Variants in CHODL observed in about 807,000 individuals in gnomAD.
CHODL encodes the protein chondrolectin, also known as transmembrane protein MT75.
Under a neutral mutation model 34.5 loss-of-function variants are expected in CHODL, and 29 were observed. The ratio of observed to expected loss-of-function variants is 0.84; its 90% CI spans 0.63 to 1.15. The LOEUF (loss-of-function observed/expected upper bound fraction) is 1.15, where lower values mean the gene tolerates loss of function less well. Ranked by LOEUF, CHODL falls within the 50% of genes most tolerant of loss-of-function variation. The pLI, the probability that CHODL is intolerant of heterozygous loss-of-function variation, is 0.00. For synonymous variants in CHODL, 125 were observed against 116.1 expected (o/e 1.08, Z -0.49); for missense variants, 332 against 332.5 (o/e 1.00, Z 0.01).
chr21:18,003,526 T>C (rs935861525), intron 1 of CHODL, among the ~76,000 whole-genome samples: 3 of 152,090 alleles, frequency 2.0e-5, no homozygotes, highest in African/African-American at 4.8e-5. Flanking sequence ...CACTGAATAA[T>C]GCGTGTTCAT....
In CHODL at chr21:18,170,345, G is replaced by A. The variant is rs2073212239; in HGVS notation, c.-44-86164G>A. ...ACTTGTGGACAGAATATAGTTAGAT[G>A]TCACTTTTTTCCTTCTGCTAGTCTG... is the stretch of plus-strand genomic sequence containing the variant. On this transcript the variant is annotated intron_variant, in intron 2 of 6. Transcript: ENST00000400127. Among the ~76,000 whole-genome samples, 3 of 151,934 alleles carry A rather than the reference G, an allele frequency of 2.0e-5. No homozygotes were observed. In the South Asian group the frequency reaches 6.2e-4, roughly 32 times the overall value.
chr21:18,064,439 C>G (rs2064706320), intron 2 of CHODL, among the ~76,000 whole-genome samples: 1 of 152,188 alleles, frequency 6.6e-6, no homozygotes, highest in African/African-American at 2.4e-5. Context: ...GTGTCTGCCC[C>G]ATTAATATTT....
intron 1 of CHODL, among the ~76,000 whole-genome samples, chr21:17,973,939 A>G (rs999718968): frequency 6.6e-6 from 1 of 152,120 alleles, no homozygotes; most frequent in African/African-American, 2.4e-5. Flanking sequence ...AAATAAATGT[A>G]TGTACTGGGG....
intron 2 of CHODL, among the ~76,000 whole-genome samples, chr21:18,157,642 C>T (rs1312348939): frequency 2.0e-5 from 3 of 152,208 alleles, no homozygotes; most frequent in Admixed American, 6.5e-5. Context: ...ATATTCCAAA[C>T]TGTCTCATCA....
Position 18,048,254 on chromosome 21 carries a change from G to T in CHODL, c.-45+20283G>T, listed in dbSNP as rs146850003. On this transcript the variant is annotated intron_variant, in intron 2 of 6. Transcript: ENST00000400127. Reference sequence around the variant, plus strand: ...TGTTTCCCTAAAACTTAAAGTAGAAGAAGTTATGAAGGAATTTCAATGTTT... The same window carrying T: ...TGTTTCCCTAAAACTTAAAGTAGAATAAGTTATGAAGGAATTTCAATGTTT... Among the ~76,000 whole-genome samples, 328 of 152,020 alleles carry T rather than the reference G, an allele frequency of 2.2e-3. 1 individual carries two copies. Among genetic ancestry groups the T allele is most frequent in the Middle Eastern group, 0.017 (5 of 294 alleles).
At chr21:18,206,728 CCTTCTTTA>C (rs1047483013) in intron 2 of CHODL, among the ~76,000 whole-genome samples, 6 of 149,758 alleles carry the variant, frequency 4.0e-5, no homozygotes, top group African/African-American at 1.5e-4. Flanking sequence ...GTCTCCTCTT[CCTTCTTTA>C]CTTCTTTTTA....
chr21:18,025,424 C>T (rs2064165199), intron 1 of CHODL, among the ~76,000 whole-genome samples: 1 of 151,996 alleles, frequency 6.6e-6, no homozygotes, highest in African/African-American at 2.4e-5. Context: ...ATTTCTTTTT[C>T]TTCCAAAGCC....
chr21:18,249,915 C>G (rs1354832353), intron 1 of CHODL, among the ~76,000 whole-genome samples: 1 of 152,056 alleles, frequency 6.6e-6, no homozygotes, highest in Non-Finnish European at 1.5e-5. Context: ...CTTGGCAAGC[C>G]CAGTGCCTGT....
chr21:17,976,176 C>T lies in CHODL; in HGVS notation c.-144-51696C>T, dbSNP rs571599697. ...GTCCTAGTTACTTGGGGGGCTAAGG[C>T]AGGAGGATTGCTTGAGCCCAGGAGG... On this transcript the variant is annotated intron_variant, in intron 1 of 6. Coordinates refer to the CHODL transcript ENST00000400127. Among the ~76,000 whole-genome samples the T allele has an allele frequency of 1.7e-4, 23 of 138,230 alleles. No individual in the cohort carries two copies. In the South Asian group the frequency reaches 5.4e-3, roughly 33 times the overall value. The allele number at this position is 138,230 out of a possible 152,430, so 90.7% of individuals were successfully genotyped here. A position where few individuals can be genotyped will look rare whatever the true frequency, so the allele number is the denominator to read the frequency against.
intron 2 of CHODL, among the ~76,000 whole-genome samples, chr21:18,040,032 G>A (rs993125941): frequency 1.3e-5 from 2 of 151,788 alleles, no homozygotes; most frequent in Non-Finnish European, 2.9e-5. Context: ...AAATAAGAAT[G>A]TAACTTCACT....
At chr21:18,182,732 A>G (rs1260364120) in intron 2 of CHODL, among the ~76,000 whole-genome samples, 2 of 152,184 alleles carry the variant, frequency 1.3e-5, no homozygotes, top group Non-Finnish European at 2.9e-5. Flanking sequence ...ACTGACTCCA[A>G]AGTAAAAGTA....
At chr21:17,930,640 G>C (rs1360615975) in intron 1 of CHODL, among the ~76,000 whole-genome samples, 1 of 152,220 alleles carries the variant, frequency 6.6e-6, no homozygotes, top group East Asian at 1.9e-4. Context: ...GTCCCTCCAG[G>C]ACTCATGCAC....
chr21:18,054,705 C>T (rs80289836), intron 2 of CHODL, among the ~76,000 whole-genome samples: 2,314 of 151,862 alleles, frequency 0.015, 31 homozygotes, highest in Non-Finnish European at 0.024. Flanking sequence ...TTAAATGTTC[C>T]CATCACAATG....
At chr21:17,996,948 A>G (rs1265032503) in intron 1 of CHODL, among the ~76,000 whole-genome samples, 2 of 152,198 alleles carry the variant, frequency 1.3e-5, no homozygotes, top group Admixed American at 6.5e-5. Context: ...AGCTAAATAC[A>G]TATTACTTTA....
intron 2 of CHODL, chr21:18,114,766 C>T (rs1356414054): frequency 1.3e-5 from 2 of 152,202 alleles, no homozygotes; most frequent in Admixed American, 1.3e-4. Context: ...TGATTTCTTA[C>T]CTTGGTATTG....
intron 2 of CHODL, among the ~76,000 whole-genome samples, chr21:18,139,152 T>C (rs2072772189): frequency 6.6e-6 from 1 of 152,050 alleles, no homozygotes; most frequent in Admixed American, 6.6e-5. Flanking sequence ...CCGTGTCTAT[T>C]TGAGTCATGA....
intron 1 of CHODL, among the ~76,000 whole-genome samples, chr21:17,966,656 C>T (rs1288031827): frequency 6.6e-6 from 1 of 152,162 alleles, no homozygotes; most frequent in East Asian, 1.9e-4. Flanking sequence ...ACAGAATTGT[C>T]TTCCAGGATT....
chr21:18,114,470 G>C (rs1296872709), intron 2 of CHODL, among the ~76,000 whole-genome samples: 1 of 150,804 alleles, frequency 6.6e-6, no homozygotes, highest in South Asian at 2.1e-4. Context: ...ATTTTTTTTT[G>C]AGATGGAATT....
At chr21:18,109,004 G>C (rs1338443420) in intron 2 of CHODL, among the ~76,000 whole-genome samples, 1 of 151,872 alleles carries the variant, frequency 6.6e-6, no homozygotes, top group Non-Finnish European at 1.5e-5. Flanking sequence ...AAGAGATCCA[G>C]AACTTATAGC....
Sources: gnomAD v4.1 joint callset for allele counts (sites outside exome capture counted in the v4.1 genomes callset) on GRCh38, gnomAD v4.1.1 for gene constraint, MANE v1.5 for transcripts, NCBI Gene and HGNC (gene_info 2026-07-23, HGNC 2026-07-21) for gene names.